LOC400499: variants seen among roughly 807,000 people sequenced by gnomAD.
chr16:11,489,989 C>T, the LOC400499 span, among the ~76,000 whole-genome samples: 1 of 152,106 alleles, frequency 6.6e-6, no homozygotes, highest in Admixed American at 6.6e-5. Flanking sequence ...TCAGTGGAGA[C>T]GGGTAAAATG....
the LOC400499 span, among the ~76,000 whole-genome samples, chr16:11,525,249 G>A: frequency 6.6e-6 from 1 of 150,694 alleles, no homozygotes; most frequent in African/African-American, 2.4e-5. Context: ...ACTGCCTGGT[G>A]CGATCGTATT....
chr16:11,399,983 G>C, the LOC400499 span, among the ~76,000 whole-genome samples: 1,073 of 151,942 alleles, frequency 7.1e-3, 13 homozygotes, highest in African/African-American at 0.025. Context: ...ATGGAGGGTG[G>C]AGAGACTGCC....
chr16:11,451,379 A>G, the LOC400499 span, among the ~76,000 whole-genome samples: 5 of 152,196 alleles, frequency 3.3e-5, no homozygotes, highest in African/African-American at 1.2e-4. Flanking sequence ...TAGGAGTTTG[A>G]GTCTAGCCTG....
the LOC400499 span, among the ~76,000 whole-genome samples, chr16:11,527,155 G>T: frequency 5.3e-5 from 8 of 152,186 alleles, no homozygotes; most frequent in Non-Finnish European, 1.2e-4. Flanking sequence ...CCAGACCGAG[G>T]AGTCCCACGG....
the LOC400499 span, among the ~76,000 whole-genome samples, chr16:11,427,774 T>G: frequency 4.6e-5 from 7 of 152,146 alleles, no homozygotes; most frequent in Non-Finnish European, 1.0e-4. Flanking sequence ...TTTATGTAAA[T>G]TTTATATCAG....
the LOC400499 span, among the ~76,000 whole-genome samples, chr16:11,495,427 C>T: frequency 6.6e-6 from 1 of 151,284 alleles, no homozygotes; most frequent in Non-Finnish European, 1.5e-5. Flanking sequence ...CTCATTCATC[C>T]TGGAGTGCAG....
At chr16:11,443,330 CAAAAAAAAAAAAAAAAA>C in the LOC400499 span, 7 of 260,900 alleles carry the variant, frequency 2.7e-5, no homozygotes, top group Non-Finnish European at 4.7e-5. Flanking sequence ...TCCTCAGTCT[CAAAAAAAAAAAAAAAAA>C]AAAAAAAAAA....
chr16:11,444,156 G>T, the LOC400499 span, among the ~76,000 whole-genome samples: 2 of 152,234 alleles, frequency 1.3e-5, no homozygotes, highest in African/African-American at 2.4e-5. Flanking sequence ...CCAGCACTTT[G>T]GAAGGTGAGG....
chr16:11,446,637 C>G, the LOC400499 span: 3 of 1,536,016 alleles, frequency 2.0e-6, no homozygotes, highest in Admixed American at 3.9e-5. Flanking sequence ...CTGCACAGAC[C>G]TGGGAGGGAC....
chr16:11,454,165 C>T, the LOC400499 span, among the ~76,000 whole-genome samples: 1 of 152,204 alleles, frequency 6.6e-6, no homozygotes, highest in East Asian at 1.9e-4. Context: ...CCAATTAATT[C>T]AAAACAATGG....
the LOC400499 span, chr16:11,407,160 C>A: frequency 1.8e-5 from 7 of 398,802 alleles, no homozygotes; most frequent in East Asian, 3.6e-5. Flanking sequence ...AGAGGCCCCC[C>A]ACCCCAGCGT....
the LOC400499 span, among the ~76,000 whole-genome samples, chr16:11,515,734 G>GGAGGAGGAGGAAAAGGGAA: frequency 6.7e-6 from 1 of 149,140 alleles, no homozygotes; most frequent in African/African-American, 2.5e-5. Flanking sequence ...GGAAAAGGGA[G>GGAGGAGGAGGAAAAGGGAA]GAGGAGGAGG....
chr16:11,516,011 A>G, the LOC400499 span: 3 of 399,462 alleles, frequency 7.5e-6, no homozygotes, highest in African/African-American at 6.2e-5. Flanking sequence ...TGTCTTGTGT[A>G]GCCAGTCCCC....
chr16:11,427,512 A>G, the LOC400499 span, among the ~76,000 whole-genome samples: 1 of 151,832 alleles, frequency 6.6e-6, no homozygotes, highest in African/African-American at 2.4e-5. Flanking sequence ...TGCCACAATC[A>G]TGGCTCACTG....
At chr16:11,490,518 T>C in the LOC400499 span, among the ~76,000 whole-genome samples, 8 of 150,604 alleles carry the variant, frequency 5.3e-5, no homozygotes, top group East Asian at 1.6e-3. Context: ...GCTAATGTGG[T>C]GAAACCCCGT....
chr16:11,384,042 C>G, the LOC400499 span: 1 of 1,231,830 alleles, frequency 8.1e-7, no homozygotes, highest in Non-Finnish European at 1.0e-6. Context: ...AGGCCTCCTG[C>G]TGGACCATGT....
the LOC400499 span, among the ~76,000 whole-genome samples, chr16:11,376,034 G>C: frequency 4.6e-5 from 7 of 152,064 alleles, no homozygotes; most frequent in Non-Finnish European, 8.8e-5. Flanking sequence ...CCACCGCGCC[G>C]GGCCCTTTGT....
the LOC400499 span, among the ~76,000 whole-genome samples, chr16:11,455,498 G>A: frequency 6.6e-6 from 1 of 152,114 alleles, no homozygotes; most frequent in Admixed American, 6.5e-5. Flanking sequence ...ACTTTGGGAG[G>A]CCAAAGAAGG....
At chr16:11,509,613 C>A in the LOC400499 span, among the ~76,000 whole-genome samples, 1 of 151,244 alleles carries the variant, frequency 6.6e-6, no homozygotes, top group Admixed American at 6.6e-5. Context: ...GGTGGATCAC[C>A]CGAGGTCAGG....
Sources: allele counts gnomAD v4.1 joint callset (sites outside exome capture counted in the v4.1 genomes callset), GRCh38; gene constraint gnomAD v4.1.1; transcripts MANE v1.5.